The following XPO1 variants were observed in gnomAD, a reference collection of about 807,000 sequenced individuals.
XPO1 encodes exportin 1.
A neutral mutation model predicts 133.3 loss-of-function variants in XPO1; 5 were observed. That is an observed-to-expected ratio of 0.04 (90% CI 0.02 to 0.08). XPO1 has a LOEUF of 0.08. Among genes scored for constraint, XPO1 ranks in the 10% least tolerant of loss-of-function variants. The pLI, the probability that XPO1 is intolerant of heterozygous loss-of-function variation, is 1.00. For missense variants in XPO1, 506 were observed against 1,267.5 expected, an observed-to-expected ratio of 0.40 and a Z score of 9.12; for synonymous variants, 419 against 408.2, an observed-to-expected ratio of 1.03 and a Z score of -0.32.
At chr2:61,482,812 A>G in intron 22 of XPO1, 145 bp downstream of exon 22, 1 of 962,634 alleles carries the variant, frequency 1.0e-6, no homozygotes, top group Non-Finnish European at 1.5e-6. Flanking sequence ...TTTTTAGTAC[A>G]GACAGTTTCA....
intron 24 of XPO1, among the ~76,000 whole-genome samples, chr2:61,479,701 G>A (rs1428625058): frequency 6.6e-6 from 1 of 152,048 alleles, no homozygotes; most frequent in Non-Finnish European, 1.5e-5. Flanking sequence ...CAGCAGCTGG[G>A]ATTACAGGCA....
chr2:61,521,366 G>C (rs1698681328), intron 4 of XPO1, among the ~76,000 whole-genome samples: 1 of 152,090 alleles, frequency 6.6e-6, no homozygotes, highest in African/African-American at 2.4e-5. Context: ...AAAGAAATTA[G>C]ACATATTTTA....
At position 61,483,006 on chromosome 2, in the gene XPO1, A is replaced by G. The variant is rs1206349910; in HGVS notation, c.2763T>C (p.Asp921=). 6.2e-7 allele frequency: 1 copy of G among 1,613,934 alleles called. No homozygotes were observed. Among genetic ancestry groups the G allele is most frequent in the Non-Finnish European group, 8.5e-7 (1 of 1,179,998 alleles). ...CAACAGAAAAGATATGCTGGAGAAT[A>G]TCACAAAAATAAGTTTGATAAAAAC... ...AQSFYQTYFC[D]ILQHIFSVVT... Residue 921 remains aspartate, a synonymous_variant, in exon 22 of 25, where the codon GAT becomes GAC. Transcript: ENST00000401558.
intron 4 of XPO1, among the ~76,000 whole-genome samples, chr2:61,506,532 G>C (rs1697822136): frequency 7.0e-6 from 1 of 143,040 alleles, no homozygotes; most frequent in African/African-American, 2.6e-5. Context: ...CCAGGAGCCA[G>C]AGGTTGCTCT....
At chr2:61,526,227 T>C in intron 3 of XPO1, 193 bp downstream of exon 3, 1 of 1,390,256 alleles carries the variant, frequency 7.2e-7, no homozygotes, top group Non-Finnish European at 9.2e-7. Context: ...CTAGTCCCAT[T>C]ACAAAACTTC....
Position 61,492,813 on chromosome 2 carries a change from C to A in XPO1, c.1385-65G>T. ...AGAATTTTATTGATGAGTAACAATA[C>A]ATTTAGAAAATATTTAGAAACTACA... is the stretch of plus-strand genomic sequence containing the variant. On this transcript the variant is annotated intron_variant, in intron 13 of 24. Transcript: ENST00000401558. This position sits in a 1 kb window ranked among gnomAD's most constrained non-coding sequence, Gnocchi z 5.6. The A allele has an allele frequency of 6.4e-7, 1 of 1,564,934 alleles. No individual in the cohort carries two copies. Among genetic ancestry groups the A allele is most frequent in the Non-Finnish European group, 8.7e-7 (1 of 1,154,262 alleles).
intron 5 of XPO1, 66 bp downstream of exon 5, chr2:61,502,182 GT>G: frequency 2.6e-6 from 4 of 1,568,098 alleles, no homozygotes; most frequent in Non-Finnish European, 3.5e-6. Context: ...ACAGAATTAG[GT>G]TGTAGTCAGA....
In XPO1 at chr2:61,488,351, C is replaced by A. The variant is rs542472199; in HGVS notation, c.2207-80G>T. On this transcript the variant is annotated intron_variant, in intron 18 of 24. Transcript: ENST00000401558. ...ACTCAGGTGTACATTAGATGCAATT[C>A]CATTTTACCATTAAAAAGTTTAAAG... 6.6e-6 allele frequency: 9 copies of A among 1,360,352 alleles called. No individual in the cohort carries two copies. The African/African-American group carries it at 1.0e-4, about 15-fold the overall frequency. 84.3% of individuals were successfully genotyped at this position (1,360,352 alleles called of 1,614,324 possible). A position where few individuals can be genotyped will look rare whatever the true frequency, so the allele number is the denominator to read the frequency against.
chr2:61,525,914 A>T, intron 3 of XPO1: 1 of 1,049,440 alleles, frequency 9.5e-7, no homozygotes, highest in Non-Finnish European at 1.2e-6. Flanking sequence ...GACAAAACAC[A>T]TTTTGATCAA....
chr2:61,531,999 T>C lies in XPO1; in HGVS notation c.126+1773A>G, dbSNP rs999315344. 1.4e-4 allele frequency among the ~76,000 whole-genome samples: 21 copies of C among 152,360 alleles called. 1 individual carries two copies. The highest frequency in any genetic ancestry group is 6.2e-4 in the South Asian group (3 of 4,830). ...ATAGTAAAAGCAGTACTGTTGCATT[T>C]CATAAGGGAATGGAAACATTTATAC... is the stretch of plus-strand genomic sequence containing the variant. On this transcript the variant is annotated intron_variant, in intron 2 of 24. Coordinates refer to ENST00000401558, the MANE Select transcript of XPO1 (RefSeq NM_003400.4).
intron 4 of XPO1, among the ~76,000 whole-genome samples, chr2:61,503,828 G>A (rs1268484403): frequency 2.6e-5 from 4 of 152,158 alleles, no homozygotes; most frequent in Non-Finnish European, 5.9e-5. Context: ...TGGCCTCCCA[G>A]ACTGCTGGGA....
At chr2:61,513,784 G>C (rs1239918630) in intron 4 of XPO1, among the ~76,000 whole-genome samples, 1 of 152,046 alleles carries the variant, frequency 6.6e-6, no homozygotes, top group Non-Finnish European at 1.5e-5. Context: ...AAATTAAACA[G>C]GAAGCCACAG....
intron 19 of XPO1, 112 bp from the exon 20 acceptor site, chr2:61,486,074 GGAAAATCTTGTGTTTGTAT>G: frequency 1.0e-4 from 105 of 1,028,464 alleles, no homozygotes; most frequent in Middle Eastern, 4.6e-4. Context: ...ACTGAAAACA[GGAAAATCTTGTGTTTGTAT>G]TAGGGTTTCC....
At position 61,485,675 on chromosome 2, in the gene XPO1, A is replaced by T. The variant is rs1190783621; in HGVS notation, c.2508+93T>A. ...TTAAATATTTAAACTCCATGGCATT[A>T]AAATTATGTTATATCCACAGACATA... On this transcript the variant is annotated intron_variant, in intron 20 of 24. Transcript: ENST00000401558. The T allele has an allele frequency of 3.7e-6, 4 of 1,071,514 alleles. No homozygotes were observed. The East Asian group carries it at 9.9e-5, about 27-fold the overall frequency. The allele number at this position is 1,071,514 out of a possible 1,614,324, so 66.4% of individuals were successfully genotyped here. A position where few individuals can be genotyped will look rare whatever the true frequency, so the allele number is the denominator to read the frequency against.
At chr2:61,522,709 T>C (rs1432479083) in intron 3 of XPO1, 26 bp from the exon 4 acceptor site, 1 of 1,533,980 alleles carries the variant, frequency 6.5e-7, no homozygotes, top group Non-Finnish European at 9.0e-7. Flanking sequence ...TAGAAGCATG[T>C]GAATATATTG....
At chr2:61,495,702 T>TATCA in intron 10 of XPO1, 89 bp from the exon 11 acceptor site, 1 of 1,317,118 alleles carries the variant, frequency 7.6e-7, no homozygotes, top group Non-Finnish European at 1.0e-6. Flanking sequence ...TGAGACAAGG[T>TATCA]ATCACTCTGT....
At chr2:61,482,924 G>C in intron 22 of XPO1, 33 bp downstream of exon 22, 1 of 1,612,036 alleles carries the variant, frequency 6.2e-7, no homozygotes, top group Non-Finnish European at 8.5e-7. Flanking sequence ...TGCCCAGCTG[G>C]CACTTAACAT....
At chr2:61,537,362 C>T (rs1699398106) in intron 1 of XPO1, among the ~76,000 whole-genome samples, 200 bp downstream of exon 1, 1 of 151,246 alleles carries the variant, frequency 6.6e-6, no homozygotes, top group South Asian at 2.1e-4. Context: ...GAGGCCGCCT[C>T]CCCGCCTCCA....
intron 4 of XPO1, among the ~76,000 whole-genome samples, chr2:61,516,499 C>G (rs546958903): frequency 3.4e-4 from 52 of 152,190 alleles, no homozygotes; most frequent in Non-Finnish European, 4.9e-4. Context: ...ACCGCGACCT[C>G]TGCCTCCCGG....
Sources: allele counts gnomAD v4.1 joint callset (sites outside exome capture counted in the v4.1 genomes callset), GRCh38; gene constraint gnomAD v4.1.1; non-coding constraint Gnocchi (gnomAD v3.1); transcripts MANE v1.5; gene names NCBI Gene and HGNC (gene_info 2026-07-23, HGNC 2026-07-21).